FHIT: variants seen among roughly 807,000 people sequenced by gnomAD.
FHIT encodes the protein bis(5'-adenosyl)-triphosphatase.
In FHIT, 19 loss-of-function variants were observed where a neutral mutation model predicts 17.9. That is an observed-to-expected ratio of 1.06 (90% CI 0.74 to 1.56). The LOEUF is 1.56. Among genes scored for constraint, FHIT ranks in the 40% most tolerant of loss-of-function variants. The probability of loss-of-function intolerance (pLI) is 0.00; values close to 1 mark genes in which losing one functional copy is unlikely to be tolerated. For missense variants in FHIT, 248 were observed against 189.2 expected, an observed-to-expected ratio of 1.31 and a Z score of -1.82; for synonymous variants, 81 against 69.7, an observed-to-expected ratio of 1.16 and a Z score of -0.81.
intron 5 of FHIT, among the ~76,000 whole-genome samples, chr3:60,023,569 A>G (rs1404953369): frequency 6.6e-6 from 1 of 152,220 alleles, no homozygotes; most frequent in African/African-American, 2.4e-5. Flanking sequence ...ATAGCTGGCC[A>G]AGCCAATGGA....
intron 8 of FHIT, among the ~76,000 whole-genome samples, chr3:59,761,309 C>T (rs913215961): frequency 6.6e-6 from 1 of 152,132 alleles, no homozygotes; most frequent in African/African-American, 2.4e-5. Context: ...CCCACATTGC[C>T]CAGTCAGAGT....
rs1553691630 is a variant in FHIT at position 60,663,160 on chromosome 3, A to ATATATATC, written c.-17-126182_-17-126181insGATATATA. 9.8e-5 allele frequency among the ~76,000 whole-genome samples: 13 copies of ATATATATC among 132,570 alleles called. 1 individual carries two copies. The highest frequency in any genetic ancestry group is 3.3e-4 in the African/African-American group (11 of 33,008). The allele number at this position is 132,570 out of a possible 152,430, so 87.0% of individuals were successfully genotyped here. On this transcript the variant is annotated intron_variant, in intron 4 of 9. Coordinates refer to ENST00000492590, the MANE Select transcript of FHIT (RefSeq NM_002012.4). ...GCCCTAATATTGGGTGGAGATATAT[A>ATATATATC]TCTCTTTAATGTTGGGTTGGTTGAT...
intron 5 of FHIT, among the ~76,000 whole-genome samples, chr3:60,250,215 A>G (rs1321414923): frequency 6.6e-6 from 1 of 152,212 alleles, no homozygotes; most frequent in Non-Finnish European, 1.5e-5. Context: ...TGAGCAAGAT[A>G]GTTTCCAATT....
At chr3:61,188,540 C>G (rs1463104057) in intron 2 of FHIT, among the ~76,000 whole-genome samples, 1 of 152,100 alleles carries the variant, frequency 6.6e-6, no homozygotes, top group African/African-American at 2.4e-5. Flanking sequence ...TGAAACTATT[C>G]CAATCAATAG....
At chr3:60,193,285 G>A (rs1050236501) in intron 5 of FHIT, among the ~76,000 whole-genome samples, 8 of 152,106 alleles carry the variant, frequency 5.3e-5, no homozygotes, top group Non-Finnish European at 4.4e-5. Context: ...AAGACATGCC[G>A]AGGGACAGAG....
intron 5 of FHIT, among the ~76,000 whole-genome samples, chr3:60,258,752 T>A (rs1041915378): frequency 2.0e-5 from 3 of 152,058 alleles, no homozygotes; most frequent in African/African-American, 2.4e-5. Context: ...TTTTTCTATG[T>A]TGGTTTGATG....
At chr3:59,965,556 T>C (rs535021327) in intron 7 of FHIT, among the ~76,000 whole-genome samples, 157 of 152,302 alleles carry the variant, frequency 1.0e-3, no homozygotes, top group Admixed American at 2.5e-3. Flanking sequence ...GAGTTTTGTC[T>C]TAACAAATCC....
chr3:60,195,560 T>TA (rs1491309077), intron 5 of FHIT, among the ~76,000 whole-genome samples: 4,661 of 115,948 alleles, frequency 0.04, 114 homozygotes, highest in Middle Eastern at 0.13. Flanking sequence ...TATATATATA[T>TA]TTATATTTAT....
In FHIT at chr3:60,513,683, G is replaced by A. The variant is rs1041173898; in HGVS notation, c.103+23177C>T. Among the ~76,000 whole-genome samples, 9 of 152,168 alleles carry A rather than the reference G, an allele frequency of 5.9e-5. 1 individual carries two copies. Among genetic ancestry groups the A allele is most frequent in the Admixed American group, 5.9e-4 (9 of 15,274 alleles). On this transcript the variant is annotated intron_variant, in intron 5 of 9. Coordinates refer to ENST00000492590, the MANE Select transcript of FHIT (RefSeq NM_002012.4). ...AACAATGAGAACACATGGACACAGG[G>A]AACAATACACACTGGTGATATGGAC...
intron 4 of FHIT, among the ~76,000 whole-genome samples, chr3:60,779,471 CAGG>C (rs1221267870): frequency 1.1e-4 from 17 of 152,082 alleles, no homozygotes; most frequent in African/African-American, 3.9e-4. Context: ...TGCCCATTAC[CAGG>C]AGGTTTCCTT....
At chr3:60,124,029 G>T (rs1705412754) in intron 5 of FHIT, among the ~76,000 whole-genome samples, 2 of 96,088 alleles carry the variant, frequency 2.1e-5, no homozygotes, top group African/African-American at 7.6e-5. Context: ...GAGAGAGAGA[G>T]AGAGAGAGAG....
chr3:60,788,779 C>T (rs1700671513), intron 4 of FHIT, among the ~76,000 whole-genome samples: 1 of 152,080 alleles, frequency 6.6e-6, no homozygotes. Context: ...AGATTCTGGG[C>T]ATTTGTGGCC....
At chr3:60,196,847 G>A (rs1702666241) in intron 5 of FHIT, among the ~76,000 whole-genome samples, 1 of 151,146 alleles carries the variant, frequency 6.6e-6, no homozygotes, top group Non-Finnish European at 1.5e-5. Flanking sequence ...AAATCAAGCA[G>A]GATTATATTA....
At chr3:60,255,971 T>C (rs959940157) in intron 5 of FHIT, among the ~76,000 whole-genome samples, 2 of 152,220 alleles carry the variant, frequency 1.3e-5, no homozygotes, top group Non-Finnish European at 2.9e-5. Context: ...CACTTGAAAT[T>C]AGTAAACTGG....
At chr3:60,264,561 CAAT>C (rs2107615890) in intron 5 of FHIT, among the ~76,000 whole-genome samples, 1 of 152,018 alleles carries the variant, frequency 6.6e-6, no homozygotes, top group Admixed American at 6.6e-5. Flanking sequence ...ATAACACTAA[CAAT>C]AATACATTAA....
chr3:60,066,366 T>C (rs2106948095), intron 5 of FHIT, among the ~76,000 whole-genome samples: 1 of 152,246 alleles, frequency 6.6e-6, no homozygotes, highest in East Asian at 1.9e-4. Flanking sequence ...TGAAATTAGG[T>C]TTTATTGAAA....
rs115657233 is a variant in FHIT, at chr3:60,587,992, C to G, written c.-17-51013G>C. On this transcript the variant is annotated intron_variant, in intron 4 of 9. Coordinates refer to ENST00000492590, the MANE Select transcript of FHIT (RefSeq NM_002012.4). ...TCCCTTCCACCACTCTTCTGTCATG[C>G]CTTTTCCCTAGCTATTACCATTTAA... Among the ~76,000 whole-genome samples, 574 of 151,988 alleles carry G rather than the reference C, an allele frequency of 3.8e-3. 4 individuals carry two copies. Among genetic ancestry groups the G allele is most frequent in the Middle Eastern group, 6.8e-3 (2 of 294 alleles).
chr3:61,248,560 A>G (rs2040540056), intron 1 of FHIT, among the ~76,000 whole-genome samples: 1 of 152,212 alleles, frequency 6.6e-6, no homozygotes, highest in Non-Finnish European at 1.5e-5. Flanking sequence ...TAACATGTGA[A>G]TGCAAACATA....
At chr3:59,998,458 C>A (rs879337436) in intron 7 of FHIT, among the ~76,000 whole-genome samples, 6 of 152,060 alleles carry the variant, frequency 3.9e-5, no homozygotes, top group Non-Finnish European at 8.8e-5. Flanking sequence ...AGTACTATAC[C>A]ACTTCCACTG....
Sources: gnomAD v4.1 joint callset for allele counts (sites outside exome capture counted in the v4.1 genomes callset) on GRCh38, gnomAD v4.1.1 for gene constraint, MANE v1.5 for transcripts, NCBI Gene and HGNC (gene_info 2026-07-23, HGNC 2026-07-21) for gene names.